The following ERC1 variants were observed in gnomAD, a reference collection of about 807,000 sequenced individuals.
ERC1 encodes the protein ELKS/RAB6-interacting/CAST family member 1, also known as RAB6 interacting protein 2.
ERC1 carries 56 observed loss-of-function variants against 132.0 expected under a neutral mutation model. The ratio of observed to expected loss-of-function variants is 0.42; its 90% CI spans 0.34 to 0.53. The LOEUF is 0.53. Among genes scored for constraint, ERC1 ranks in the 20% least tolerant of loss-of-function variants. The probability of loss-of-function intolerance (pLI) is 0.03; values close to 1 mark genes in which losing one functional copy is unlikely to be tolerated. For missense variants in ERC1, 1,202 were observed against 1,349.9 expected, an observed-to-expected ratio of 0.89 and a Z score of 1.72; for synonymous variants, 478 against 476.1, an observed-to-expected ratio of 1.00 and a Z score of -0.05.
chr12:1,106,514 A>T (rs1202396715), intron 4 of ERC1, among the ~76,000 whole-genome samples: 1 of 151,876 alleles, frequency 6.6e-6, no homozygotes, highest in East Asian at 1.9e-4. Context: ...AATTTGGATG[A>T]TTTCCTCTTA....
intron 13 of ERC1, among the ~76,000 whole-genome samples, chr12:1,254,824 G>A (rs948817591): frequency 4.6e-5 from 7 of 152,074 alleles, no homozygotes; most frequent in Admixed American, 2.0e-4. Flanking sequence ...ATAATCGTAC[G>A]TATGTATGGT....
At chr12:1,138,127 TTATA>T (rs1259692524) in intron 7 of ERC1, among the ~76,000 whole-genome samples, 1 of 120,240 alleles carries the variant, frequency 8.3e-6, no homozygotes, top group Non-Finnish European at 1.6e-5. Flanking sequence ...TTAATACATA[TTATA>T]TATAATATAA....
At chr12:1,172,377 AG>A (rs1953162796) in intron 8 of ERC1, among the ~76,000 whole-genome samples, 1 of 152,152 alleles carries the variant, frequency 6.6e-6, no homozygotes, top group Non-Finnish European at 1.5e-5. Context: ...CTGAGGCTGG[AG>A]GATTACTCGT....
chr12:1,177,920 A>T (rs190622795), intron 8 of ERC1, among the ~76,000 whole-genome samples: 21 of 152,304 alleles, frequency 1.4e-4, no homozygotes, highest in Admixed American at 1.4e-3. Context: ...TTTACTGGTT[A>T]TGAGTTGACC....
At chr12:1,304,943 C>A (rs561307072) in intron 15 of ERC1, among the ~76,000 whole-genome samples, 16 of 151,646 alleles carry the variant, frequency 1.1e-4, no homozygotes, top group Admixed American at 9.8e-4. Flanking sequence ...GCGCCCGCCC[C>A]CACGCCCGGC....
At chr12:1,135,889 A>C (rs1949201020) in intron 7 of ERC1, among the ~76,000 whole-genome samples, 1 of 152,206 alleles carries the variant, frequency 6.6e-6, no homozygotes, top group African/African-American at 2.4e-5. Context: ...CAGTCCTAAG[A>C]GAGTAAAACA....
At chr12:1,114,478 A>G (rs1326066219) in intron 6 of ERC1, among the ~76,000 whole-genome samples, 1 of 139,556 alleles carries the variant, frequency 7.2e-6, no homozygotes, top group African/African-American at 2.8e-5. Flanking sequence ...AAATTTGAAT[A>G]ATCTTAGTCA....
intron 8 of ERC1, among the ~76,000 whole-genome samples, chr12:1,166,599 G>T (rs567648673): frequency 6.6e-6 from 1 of 152,260 alleles, no homozygotes; most frequent in East Asian, 1.9e-4. Context: ...ATCATAAAAA[G>T]ATGTTGGATT....
At chr12:1,376,697 A>G (rs1346149351) in intron 16 of ERC1, among the ~76,000 whole-genome samples, 6 of 152,224 alleles carry the variant, frequency 3.9e-5, no homozygotes, top group Non-Finnish European at 7.3e-5. Flanking sequence ...TTTTGTGAAG[A>G]TTCCAGATGG....
intron 14 of ERC1, among the ~76,000 whole-genome samples, chr12:1,272,157 A>G (rs927668513): frequency 6.6e-6 from 1 of 152,250 alleles, no homozygotes; most frequent in African/African-American, 2.4e-5. Context: ...TGTAAAAGAA[A>G]TAGTTACTAC....
At chr12:1,381,678 GA>G (rs2088685381) in intron 16 of ERC1, among the ~76,000 whole-genome samples, 1 of 152,036 alleles carries the variant, frequency 6.6e-6, no homozygotes, top group South Asian at 2.1e-4. Context: ...AGATTGTTTT[GA>G]AAGAAACTAG....
chr12:1,061,005 G>A (rs1207704832), intron 2 of ERC1, among the ~76,000 whole-genome samples: 3 of 152,176 alleles, frequency 2.0e-5, no homozygotes, highest in Non-Finnish European at 4.4e-5. Context: ...GGGATTACAG[G>A]CGTGAGCCAC....
intron 8 of ERC1, among the ~76,000 whole-genome samples, chr12:1,157,084 A>T (rs1251309569): frequency 6.6e-6 from 1 of 152,148 alleles, no homozygotes; most frequent in Non-Finnish European, 1.5e-5. Context: ...GTCCTTATAC[A>T]TGCCAAAGTC....
chr12:1,114,686 CA>C (rs61501876), intron 6 of ERC1, among the ~76,000 whole-genome samples: 39,068 of 152,022 alleles, frequency 0.26, 5,261 homozygotes, highest in African/African-American at 0.33. Flanking sequence ...TACTATTTTG[CA>C]GGATGAATAT....
chr12:1,407,364 A>AT, intron 16 of ERC1, among the ~76,000 whole-genome samples: 1 of 152,064 alleles, frequency 6.6e-6, no homozygotes, highest in Non-Finnish European at 1.5e-5. Flanking sequence ...TGTTCAATTG[A>AT]TTTTTTTATT....
chr12:1,462,149 T>C (rs951349273), intron 18 of ERC1, among the ~76,000 whole-genome samples: 2 of 152,336 alleles, frequency 1.3e-5, no homozygotes, highest in Admixed American at 6.5e-5. Context: ...GAGATAGTAC[T>C]ACAGTATCAC....
intron 16 of ERC1, among the ~76,000 whole-genome samples, chr12:1,381,849 G>T (rs1222414461): frequency 6.6e-6 from 1 of 152,128 alleles, no homozygotes; most frequent in Non-Finnish European, 1.5e-5. Context: ...AAGCCATTCT[G>T]TGCTTTTTTT....
At chr12:1,408,891 G>A (rs1008415938) in intron 17 of ERC1, among the ~76,000 whole-genome samples, 1 of 152,126 alleles carries the variant, frequency 6.6e-6, no homozygotes. Flanking sequence ...AATGATGGAT[G>A]GGAGAGAATG....
chr12:1,374,495 G>A (rs2087633462), intron 16 of ERC1, among the ~76,000 whole-genome samples: 1 of 152,084 alleles, frequency 6.6e-6, no homozygotes, highest in Admixed American at 6.5e-5. Context: ...AATAAACTAA[G>A]GCTGTCTAAC....
Sources: gnomAD v4.1 joint callset for allele counts (sites outside exome capture counted in the v4.1 genomes callset) on GRCh38, gnomAD v4.1.1 for gene constraint, MANE v1.5 for transcripts, NCBI Gene and HGNC (gene_info 2026-07-23, HGNC 2026-07-21) for gene names.